KIF6: variants seen among roughly 807,000 people sequenced by gnomAD.
KIF6 encodes the protein kinesin-like protein KIF6.
KIF6 carries 106 observed loss-of-function variants against 112.7 expected under a neutral mutation model. The ratio of observed to expected loss-of-function variants is 0.94; its 90% CI spans 0.80 to 1.11. The LOEUF is 1.11. KIF6 is among the 50% of genes least tolerant of loss of function. The pLI is 0.00. For missense variants in KIF6, 929 were observed against 964.0 expected (o/e 0.96, Z 0.48); for synonymous variants, 339 against 339.9 (o/e 1.00, Z 0.03).
At chr6:39,454,762 C>T (rs1358802834) in intron 13 of KIF6, among the ~76,000 whole-genome samples, 10 of 152,114 alleles carry the variant, frequency 6.6e-5, no homozygotes, top group South Asian at 2.1e-4. Context: ...GGATGACGGA[C>T]GCACCTGGAA....
At chr6:39,446,213 T>C (rs943748891) in intron 13 of KIF6, among the ~76,000 whole-genome samples, 11 of 152,194 alleles carry the variant, frequency 7.2e-5, no homozygotes, top group African/African-American at 2.4e-4. Context: ...ATGAAACACA[T>C]AATAACTGCT....
chr6:39,403,975 T>C (rs1414071556), intron 15 of KIF6, among the ~76,000 whole-genome samples: 3 of 152,226 alleles, frequency 2.0e-5, no homozygotes, highest in Admixed American at 1.3e-4. Context: ...TCAGGCCTTT[T>C]GCACCCCCAC....
At chr6:39,667,882 G>A (rs62403333) in intron 3 of KIF6, among the ~76,000 whole-genome samples, 7,108 of 152,256 alleles carry the variant, frequency 0.047, 267 homozygotes, top group Admixed American at 0.066. Context: ...AATGGAGATA[G>A]AGCCTGGTGG....
intron 15 of KIF6, among the ~76,000 whole-genome samples, chr6:39,398,743 G>T: frequency 6.6e-6 from 1 of 152,232 alleles, no homozygotes. Context: ...GGTTTGCAGA[G>T]CTAGAGATTA....
At chr6:39,682,786 G>A (rs577316073) in intron 3 of KIF6, among the ~76,000 whole-genome samples, 2 of 152,228 alleles carry the variant, frequency 1.3e-5, no homozygotes, top group South Asian at 2.1e-4. Context: ...CACCATGTTG[G>A]TCAGGCTGGT....
At chr6:39,649,450 T>C (rs1160472073) in intron 3 of KIF6, among the ~76,000 whole-genome samples, 10 of 152,192 alleles carry the variant, frequency 6.6e-5, no homozygotes, top group Non-Finnish European at 1.5e-4. Context: ...TGGTAATTTA[T>C]ACATCTGCGG....
intron 13 of KIF6, among the ~76,000 whole-genome samples, chr6:39,441,721 T>C (rs1187237803): frequency 6.6e-6 from 1 of 152,206 alleles, no homozygotes; most frequent in Non-Finnish European, 1.5e-5. Flanking sequence ...GGACACTCAC[T>C]CAACCTACTT....
At chr6:39,517,278 CA>C (rs1268416994) in intron 13 of KIF6, among the ~76,000 whole-genome samples, 3 of 152,194 alleles carry the variant, frequency 2.0e-5, no homozygotes, top group Non-Finnish European at 4.4e-5. Flanking sequence ...AGAGCACCCC[CA>C]GCTCCCACCA....
intron 10 of KIF6, among the ~76,000 whole-genome samples, chr6:39,553,254 GA>G (rs1779492595): frequency 6.6e-6 from 1 of 152,182 alleles, no homozygotes; most frequent in Non-Finnish European, 1.5e-5. Context: ...TAGGGGGCCA[GA>G]AAGTTCATGG....
intron 13 of KIF6, among the ~76,000 whole-genome samples, chr6:39,438,053 C>G (rs1313296186): frequency 6.6e-6 from 1 of 152,198 alleles, no homozygotes; most frequent in Non-Finnish European, 1.5e-5. Flanking sequence ...TCTTGGCTCA[C>G]TGCAACTTCT....
intron 16 of KIF6, among the ~76,000 whole-genome samples, chr6:39,370,656 G>C (rs745997380): frequency 3.3e-5 from 5 of 152,162 alleles, no homozygotes; most frequent in Non-Finnish European, 7.3e-5. Flanking sequence ...ATAAATGTTT[G>C]ACAAGAATTC....
intron 13 of KIF6, among the ~76,000 whole-genome samples, chr6:39,471,407 G>A (rs986232913): frequency 4.6e-5 from 7 of 152,132 alleles, no homozygotes; most frequent in African/African-American, 1.7e-4. Flanking sequence ...CCCTGGGCCA[G>A]CTACCTACAT....
In KIF6 at chr6:39,544,622, T is replaced by G; in HGVS notation, c.1359A>C (p.Gln453His). ...VSSESKDQDC[Q>H]EPLKEEEYRK... Reference sequence around the variant, plus strand: ...TATATTCTTCTTCTTTTAATGGTTCTTGACAATCTTGGTCTTTGCTTTCAG... The same window carrying G: ...TATATTCTTCTTCTTTTAATGGTTCGTGACAATCTTGGTCTTTGCTTTCAG... The change falls in exon 12 of 23, where the codon CAA becomes CAC. Residue 453 changes from glutamine to histidine, a missense_variant. By Grantham distance (24) the Gln-to-His change is conservative. Around this residue, in one of 2 missense-constraint regions of KIF6, gnomAD observed 688 missense variants for 662.7 expected, o/e 1.04. Coordinates refer to ENST00000287152, the MANE Select transcript of KIF6 (RefSeq NM_145027.6). 1 of 1,612,442 alleles carries G rather than the reference T, an allele frequency of 6.2e-7. No homozygotes were observed. Among genetic ancestry groups the G allele is most frequent in the Admixed American group, 1.7e-5 (1 of 59,924 alleles).
intron 19 of KIF6, 146 bp from the exon 20 acceptor site, chr6:39,346,672 A>C (rs1379158167): frequency 1.8e-6 from 1 of 547,044 alleles, no homozygotes; most frequent in African/African-American, 1.9e-5. Context: ...TTTGAGATGG[A>C]GTTTCACTCT....
intron 22 of KIF6, among the ~76,000 whole-genome samples, chr6:39,338,193 G>A (rs1763134233): frequency 6.6e-6 from 1 of 152,258 alleles, no homozygotes; most frequent in Non-Finnish European, 1.5e-5. Context: ...AGTGGACAGA[G>A]AGCCTGAGGG....
intron 13 of KIF6, among the ~76,000 whole-genome samples, chr6:39,464,249 G>A (rs1346157961): frequency 2.0e-5 from 3 of 152,118 alleles, no homozygotes; most frequent in Non-Finnish European, 4.4e-5. Context: ...ATGTTGGCCC[G>A]GCTTTGATTA....
In KIF6 at chr6:39,464,149, G is replaced by A. The variant is rs80215800; in HGVS notation, c.1646-32988C>T. On this transcript the variant is annotated intron_variant, in intron 13 of 22. Transcript: ENST00000287152. ...TTGCAGATGGTGGCCACATCTGACC[G>A]TTGTCGTGCTTGATGAGGTGGTCAG... Among the ~76,000 whole-genome samples, 293 of 152,274 alleles carry A rather than the reference G, an allele frequency of 1.9e-3. 1 individual carries two copies. Among genetic ancestry groups the A allele is most frequent in the African/African-American group, 6.4e-3 (268 of 41,562 alleles).
intron 13 of KIF6, among the ~76,000 whole-genome samples, chr6:39,512,802 A>AT (rs1160067322): frequency 6.6e-6 from 1 of 152,122 alleles, no homozygotes; most frequent in Non-Finnish European, 1.5e-5. Flanking sequence ...CTATGGTCTT[A>AT]TTGCAAATTG....
At chr6:39,628,220 T>C (rs147981956) in intron 5 of KIF6, among the ~76,000 whole-genome samples, 211 of 152,150 alleles carry the variant, frequency 1.4e-3, no homozygotes, top group Non-Finnish European at 2.5e-3. Context: ...ATTCAGATTT[T>C]TCCAGTTTTG....
Sources: allele counts gnomAD v4.1 joint callset (sites outside exome capture counted in the v4.1 genomes callset), GRCh38; gene constraint gnomAD v4.1.1; regional missense constraint gnomAD v4.1.1; transcripts MANE v1.5; gene names NCBI Gene and HGNC (gene_info 2026-07-23, HGNC 2026-07-21).